COL5A2: variants seen among roughly 807,000 people sequenced by gnomAD.
COL5A2 encodes the protein collagen type V alpha 2 chain, also known as collagen alpha-2(V) chain.
COL5A2 carries 23 observed loss-of-function variants against 208.2 expected under a neutral mutation model. That is an observed-to-expected ratio of 0.11 (90% confidence interval 0.08 to 0.16). COL5A2 has a LOEUF of 0.16. Among genes scored for constraint, COL5A2 ranks in the 10% least tolerant of loss-of-function variants. COL5A2 has a pLI of 1.00. For missense variants in COL5A2, 1,590 were observed against 1,956.4 expected, an observed-to-expected ratio of 0.81 and a Z score of 3.53; for synonymous variants, 625 against 628.5, an observed-to-expected ratio of 0.99 and a Z score of 0.08.
chr2:189,145,281 C>T (rs901348161), intron 1 of COL5A2, among the ~76,000 whole-genome samples: 6 of 152,026 alleles, frequency 3.9e-5, no homozygotes, highest in East Asian at 3.9e-4. Flanking sequence ...AAATTGCACA[C>T]GTCAGGAATT....
At chr2:189,307,515 G>A in the COL5A2 span, among the ~76,000 whole-genome samples, 2 of 151,828 alleles carry the variant, frequency 1.3e-5, no homozygotes, top group South Asian at 4.2e-4. Context: ...TGTCAATCAG[G>A]ATTAATAATG....
chr2:189,302,245 A>T, the COL5A2 span, among the ~76,000 whole-genome samples: 3 of 152,146 alleles, frequency 2.0e-5, no homozygotes, highest in Admixed American at 6.6e-5. Context: ...AGATGTAAAC[A>T]TCTCCCAATA....
chr2:189,075,267 T>C, intron 17 of COL5A2, 126 bp downstream of exon 17: 1 of 682,406 alleles, frequency 1.5e-6, no homozygotes, highest in South Asian at 1.6e-5. Flanking sequence ...AGAAGTACTA[T>C]GTGTCCATCA....
At chr2:189,400,309 C>T in the COL5A2 span, among the ~76,000 whole-genome samples, 85,793 of 152,020 alleles carry the variant, frequency 0.56, 26,047 homozygotes, top group East Asian at 0.69. Context: ...ACTTCAACTA[C>T]ACATATGTCA....
intron 1 of COL5A2, among the ~76,000 whole-genome samples, chr2:189,110,980 A>G (rs941883279): frequency 6.6e-6 from 1 of 152,206 alleles, no homozygotes; most frequent in Non-Finnish European, 1.5e-5. Context: ...TTTTAAATGT[A>G]CAGTAAAAAA....
At chr2:189,322,386 G>A in the COL5A2 span, among the ~76,000 whole-genome samples, 3 of 152,078 alleles carry the variant, frequency 2.0e-5, no homozygotes, top group African/African-American at 7.2e-5. Context: ...AATGAATACA[G>A]GAGCTGACTT....
At chr2:189,214,134 C>CA (rs1559147592) in intron 1 of COL5A2, among the ~76,000 whole-genome samples, 1 of 151,956 alleles carries the variant, frequency 6.6e-6, no homozygotes, top group African/African-American at 2.4e-5. Flanking sequence ...TTAAACATAT[C>CA]AAAAAACCTT....
chr2:189,169,803 CG>C (rs1403869396), intron 1 of COL5A2, among the ~76,000 whole-genome samples: 1 of 152,178 alleles, frequency 6.6e-6, no homozygotes, highest in Non-Finnish European at 1.5e-5. Context: ...CCTCGCCTCC[CG>C]GGTTCAAGCA....
intron 2 of COL5A2, among the ~76,000 whole-genome samples, chr2:189,106,570 G>T (rs72908316): frequency 0.13 from 19,749 of 150,430 alleles, 1,311 homozygotes; most frequent in South Asian, 0.18. Flanking sequence ...CCTCTTTTTA[G>T]AGTTTTGAAA....
chr2:189,119,452 G>A (rs1297482817), intron 1 of COL5A2, among the ~76,000 whole-genome samples: 1 of 152,072 alleles, frequency 6.6e-6, no homozygotes, highest in East Asian at 1.9e-4. Flanking sequence ...ACAAATCCAT[G>A]TGCTTCTAAG....
At position 189,063,029 on chromosome 2, in the gene COL5A2, G is replaced by A; in HGVS notation, c.1904C>T (p.Ala635Val). ...ATTTACCCTCTGCCCAGGAACTCCA[G>A]CATTTCCTGCTTCTCCAGGTTTCCC... ...DPGKPGEAGN[A>V]GVPGQRGAPG... Residue 635 changes from alanine (A) to valine (V), a missense_variant, in exon 28 of 54, where the codon GCT becomes GTT. By Grantham distance (64) the Ala-to-Val change is moderately conservative. Transcript: ENST00000374866. 2 of 1,614,160 alleles carry A rather than the reference G, an allele frequency of 1.2e-6. No homozygotes were observed. The highest frequency in any genetic ancestry group is 1.7e-6 in the Non-Finnish European group (2 of 1,180,018).
the COL5A2 span, among the ~76,000 whole-genome samples, chr2:189,338,954 T>A: frequency 6.6e-6 from 1 of 152,126 alleles, no homozygotes; most frequent in African/African-American, 2.4e-5. Context: ...TCTCCCAGGT[T>A]CACACCCATA....
At chr2:189,282,785 G>A in the COL5A2 span, among the ~76,000 whole-genome samples, 6 of 152,012 alleles carry the variant, frequency 3.9e-5, no homozygotes, top group Non-Finnish European at 8.8e-5. Context: ...GTAGAATATT[G>A]AGCACAAGAG....
chr2:189,439,076 T>A, the COL5A2 span, among the ~76,000 whole-genome samples: 1 of 152,206 alleles, frequency 6.6e-6, no homozygotes, highest in Non-Finnish European at 1.5e-5. Flanking sequence ...CTCAACCTTT[T>A]CAGGTTATTT....
the COL5A2 span, among the ~76,000 whole-genome samples, chr2:189,411,098 C>T: frequency 6.6e-6 from 1 of 152,028 alleles, no homozygotes; most frequent in Non-Finnish European, 1.5e-5. Context: ...TTTCATTCTG[C>T]TACCTGGAAA....
At chr2:189,349,968 G>A in the COL5A2 span, among the ~76,000 whole-genome samples, 1 of 152,222 alleles carries the variant, frequency 6.6e-6, no homozygotes, top group African/African-American at 2.4e-5. Context: ...ATGAGTGTTA[G>A]TGGTTAGATT....
chr2:189,036,348 T>G (rs896802053), intron 52 of COL5A2, among the ~76,000 whole-genome samples: 2 of 152,108 alleles, frequency 1.3e-5, no homozygotes, highest in African/African-American at 4.8e-5. Flanking sequence ...GTCACATACA[T>G]TAGAGGAACT....
the COL5A2 span, among the ~76,000 whole-genome samples, chr2:189,251,593 C>G: frequency 6.6e-6 from 1 of 151,714 alleles, no homozygotes; most frequent in Non-Finnish European, 1.5e-5. Context: ...TATATTTTCT[C>G]GAGCTCAAAA....
chr2:189,267,196 T>C, the COL5A2 span, among the ~76,000 whole-genome samples: 5 of 152,208 alleles, frequency 3.3e-5, no homozygotes, highest in African/African-American at 9.6e-5. Context: ...AATATAAATA[T>C]AATGTAAGAC....
Sources: allele counts gnomAD v4.1 joint callset (sites outside exome capture counted in the v4.1 genomes callset), GRCh38; gene constraint gnomAD v4.1.1; transcripts MANE v1.5; gene names NCBI Gene and HGNC (gene_info 2026-07-23, HGNC 2026-07-21).